DYSF: variants seen among roughly 807,000 people sequenced by gnomAD.
DYSF encodes dysferlin.
In DYSF, 212 loss-of-function variants were observed where a neutral mutation model predicts 274.9. The ratio of observed to expected loss-of-function variants is 0.77; its 90% CI spans 0.69 to 0.86. The LOEUF is 0.86. DYSF is among the 40% of genes least tolerant of loss of function. DYSF has a pLI of 0.00. For missense variants in DYSF, 2,666 were observed against 2,783.2 expected (o/e 0.96, Z 0.95); for synonymous variants, 1,091 against 1,078.7 (o/e 1.01, Z -0.22).
chr2:71,683,490 T>G (rs1376839917), intron 55 of DYSF, among the ~76,000 whole-genome samples: 1 of 152,258 alleles, frequency 6.6e-6, no homozygotes, highest in South Asian at 2.1e-4. Flanking sequence ...GGCTGACACC[T>G]GATTTCTAAT....
At chr2:71,674,355 G>A (rs1218349925) in intron 52 of DYSF, 59 bp downstream of exon 52, 3 of 1,526,102 alleles carry the variant, frequency 2.0e-6, no homozygotes, top group African/African-American at 2.7e-5. Flanking sequence ...AACCCACACT[G>A]TGTGTTTATG....
chr2:71,563,486 A>G (rs2091904143), intron 23 of DYSF, among the ~76,000 whole-genome samples: 1 of 152,072 alleles, frequency 6.6e-6, no homozygotes, highest in South Asian at 2.1e-4. Context: ...ATCATGCTGG[A>G]GGGGCTTAGG....
chr2:71,453,764 T>A, exon 1 of DYSF: 1 of 581,688 alleles, frequency 1.7e-6, no homozygotes, highest in Non-Finnish European at 3.1e-6. Flanking sequence ...GAACGCCGGC[T>A]GACAAGCGGG....
At chr2:71,453,742 C>T (rs2080933954) in exon 1 of DYSF, 1 of 557,778 alleles carries the variant, frequency 1.8e-6, no homozygotes, top group Non-Finnish European at 3.2e-6. Flanking sequence ...TGAGCAGAAG[C>T]CCCTGTTCTC....
intron 2 of DYSF, 101 bp from the exon 3 acceptor site, chr2:71,481,778 T>A: frequency 1.2e-6 from 1 of 866,014 alleles, no homozygotes; most frequent in Admixed American, 2.0e-5. Flanking sequence ...GAATCATTCA[T>A]GAATGCCTAC....
At chr2:71,632,480 G>A (rs1012119895) in intron 41 of DYSF, among the ~76,000 whole-genome samples, 3 of 152,172 alleles carry the variant, frequency 2.0e-5, no homozygotes, top group Non-Finnish European at 4.4e-5. Flanking sequence ...AGTGTCTGTA[G>A]CTTGATGAAT....
chr2:71,539,685 C>T (rs75432368), intron 17 of DYSF, among the ~76,000 whole-genome samples: 2,356 of 152,198 alleles, frequency 0.015, 35 homozygotes, highest in Non-Finnish European at 0.02. Flanking sequence ...CCCACCCCTC[C>T]GGACAAGAAC....
At chr2:71,571,806 TCAC>T (rs2092484044) in intron 29 of DYSF, among the ~76,000 whole-genome samples, 1 of 91,258 alleles carries the variant, frequency 1.1e-5, no homozygotes, top group Non-Finnish European at 2.2e-5. Flanking sequence ...CACACACAGC[TCAC>T]ACCCAGCACA....
chr2:71,631,676 C>T (rs931053459), intron 41 of DYSF, among the ~76,000 whole-genome samples: 11 of 152,142 alleles, frequency 7.2e-5, no homozygotes, highest in East Asian at 3.9e-4. Flanking sequence ...TGGTTATTTG[C>T]TGTGTTTGCT....
intron 9 of DYSF, among the ~76,000 whole-genome samples, chr2:71,516,513 G>A (rs1021782133): frequency 2.0e-5 from 3 of 152,222 alleles, no homozygotes; most frequent in African/African-American, 2.4e-5. Context: ...CAGCAGCTGC[G>A]GGAGAGCCCA....
chr2:71,517,979 A>C (rs768863551), intron 10 of DYSF, among the ~76,000 whole-genome samples: 19 of 152,166 alleles, frequency 1.2e-4, no homozygotes, highest in Admixed American at 5.2e-4. Context: ...GAGTTTGGGC[A>C]GCCCTCCTCC....
chr2:71,685,014 T>C (rs2095339310), intron 55 of DYSF, among the ~76,000 whole-genome samples: 1 of 152,146 alleles, frequency 6.6e-6, no homozygotes, highest in Non-Finnish European at 1.5e-5. Flanking sequence ...CCACCACCCA[T>C]GACATGCCTA....
At position 71,574,266 on chromosome 2, in the gene DYSF, C is replaced by G. The variant is rs144936357; in HGVS notation, c.3297C>G (p.Leu1099=). ...YASLFGWKFH[L]EYRKTDAFRR... ...CTCTTTTTGGCTGGAAGTTCCACCT[C>G]GAGTACCGCAAGACAGATGCCTTCC... is the stretch of plus-strand genomic sequence containing the variant. Residue 1099 remains leucine (L), a synonymous_variant, in exon 30 of 56, where the codon CTC becomes CTG. Transcript: ENST00000410020. 4 of 1,614,122 alleles carry G rather than the reference C, an allele frequency of 2.5e-6. No homozygotes were observed. The highest frequency in any genetic ancestry group is 1.6e-4 in the Middle Eastern group (1 of 6,062).
chr2:71,507,129 T>G (rs770629873), intron 4 of DYSF, among the ~76,000 whole-genome samples: 1 of 152,136 alleles, frequency 6.6e-6, no homozygotes, highest in African/African-American at 2.4e-5. Flanking sequence ...GAGCTGGCAC[T>G]GGGCACGGTG....
chr2:71,497,794 CAA>C (rs2152707033), intron 3 of DYSF, among the ~76,000 whole-genome samples: 1 of 152,334 alleles, frequency 6.6e-6, no homozygotes, highest in South Asian at 2.1e-4. Flanking sequence ...CTCGAAATTA[CAA>C]AGTTTTCCAG....
At chr2:71,648,273 C>A (rs2094598690) in intron 42 of DYSF, among the ~76,000 whole-genome samples, 1 of 151,904 alleles carries the variant, frequency 6.6e-6, no homozygotes, top group Non-Finnish European at 1.5e-5. Context: ...TAGTCAAGGG[C>A]TGATAAAATG....
rs889097429 is a variant in DYSF at position 71,460,251 on chromosome 2, GC to G, written c.88+6167del. On this transcript the variant is annotated intron_variant, in intron 1 of 54. Transcript: ENST00000258104. Reference sequence around the variant, plus strand: ...GACAACGTGGTCCATGATGGCGCACGCCTCTGTCTATATTCCAGCCAGAGGG... The same window carrying G: ...GACAACGTGGTCCATGATGGCGCACGCTCTGTCTATATTCCAGCCAGAGGG... Among the ~76,000 whole-genome samples, 99 of 152,266 alleles carry G rather than the reference GC, an allele frequency of 6.5e-4. 1 individual carries two copies. Among genetic ancestry groups the G allele is most frequent in the African/African-American group, 2.3e-3 (97 of 41,544 alleles).
intron 36 of DYSF, among the ~76,000 whole-genome samples, chr2:71,605,199 G>T (rs1191590575): frequency 6.6e-6 from 1 of 152,144 alleles, no homozygotes; most frequent in Non-Finnish European, 1.5e-5. Flanking sequence ...CTTCCTGTTT[G>T]CTCCTTGGCC....
At chr2:71,670,870 G>A (rs1385619876) in intron 51 of DYSF, among the ~76,000 whole-genome samples, 2 of 151,968 alleles carry the variant, frequency 1.3e-5, no homozygotes, top group Non-Finnish European at 1.5e-5. Context: ...TGTCCCACCC[G>A]GCATTAAATT....
Sources: allele counts gnomAD v4.1 joint callset (sites outside exome capture counted in the v4.1 genomes callset), GRCh38; gene constraint gnomAD v4.1.1; transcripts MANE v1.5; gene names NCBI Gene and HGNC (gene_info 2026-07-23, HGNC 2026-07-21).